SNTG1: variants seen among roughly 807,000 people sequenced by gnomAD.
The protein encoded by SNTG1 is gamma-1-syntrophin.
In SNTG1, 39 loss-of-function variants were observed where a neutral mutation model predicts 74.7. The observed-to-expected ratio is 0.52, with a 90% confidence interval of 0.40 to 0.68. SNTG1 has a LOEUF of 0.68. SNTG1 is among the 30% of genes least tolerant of loss of function. The pLI, the probability that SNTG1 is intolerant of heterozygous loss-of-function variation, is 0.00. For missense variants in SNTG1, 685 were observed against 609.5 expected, an observed-to-expected ratio of 1.12 and a Z score of -1.30; for synonymous variants, 254 against 217.1, an observed-to-expected ratio of 1.17 and a Z score of -1.49.
intron 4 of SNTG1, among the ~76,000 whole-genome samples, chr8:50,432,301 T>C (rs2093246694): frequency 6.6e-6 from 1 of 152,172 alleles, no homozygotes; most frequent in African/African-American, 2.4e-5. Context: ...GTTTTTATTC[T>C]TTTGTCAAAT....
At chr8:50,430,455 C>T (rs1291638976) in intron 4 of SNTG1, among the ~76,000 whole-genome samples, 5 of 152,088 alleles carry the variant, frequency 3.3e-5, no homozygotes, top group African/African-American at 1.2e-4. Flanking sequence ...CCTGGATTCC[C>T]TTCATCCACC....
intron 1 of SNTG1, among the ~76,000 whole-genome samples, chr8:49,944,396 A>G (rs1808969277): frequency 6.6e-6 from 1 of 151,922 alleles, no homozygotes; most frequent in African/African-American, 2.4e-5. Context: ...AGATATTTGC[A>G]TAATTTCATA....
chr8:50,480,933 AT>A (rs1226623217), intron 8 of SNTG1, among the ~76,000 whole-genome samples: 2 of 152,230 alleles, frequency 1.3e-5, no homozygotes, highest in Non-Finnish European at 2.9e-5. Flanking sequence ...CACTATTTTT[AT>A]TAAAAACAAG....
intron 1 of SNTG1, among the ~76,000 whole-genome samples, chr8:49,916,064 A>G (rs1806000585): frequency 6.6e-6 from 1 of 152,208 alleles, no homozygotes; most frequent in South Asian, 2.1e-4. Context: ...CTTAGGAAAT[A>G]TAAGTCAATG....
At chr8:50,772,031 G>T (rs1259323953) in intron 18 of SNTG1, among the ~76,000 whole-genome samples, 1 of 152,126 alleles carries the variant, frequency 6.6e-6, no homozygotes, top group Non-Finnish European at 1.5e-5. Flanking sequence ...AGCCACCACA[G>T]AGAACCTCTC....
At chr8:50,635,807 G>T (rs1042335439) in intron 13 of SNTG1, among the ~76,000 whole-genome samples, 6 of 152,220 alleles carry the variant, frequency 3.9e-5, no homozygotes, top group African/African-American at 1.4e-4. Context: ...TGGTACAAAA[G>T]CTGTAAGACA....
At chr8:50,526,510 A>G (rs1294223260) in intron 9 of SNTG1, among the ~76,000 whole-genome samples, 1 of 151,946 alleles carries the variant, frequency 6.6e-6, no homozygotes, top group African/African-American at 2.4e-5. Flanking sequence ...TTTCTTAACT[A>G]TATATTGTTG....
At chr8:50,008,040 C>T (rs1815411564) in intron 1 of SNTG1, among the ~76,000 whole-genome samples, 1 of 152,036 alleles carries the variant, frequency 6.6e-6, no homozygotes. Flanking sequence ...TCCAATCACC[C>T]CCTCACCGGG....
At position 50,185,831 on chromosome 8, in the gene SNTG1, AT is replaced by A. The variant is rs199674674; in HGVS notation, c.-28+13205del. Among the ~76,000 whole-genome samples, 806 of 150,022 alleles carry A rather than the reference AT, an allele frequency of 5.4e-3. 12 individuals are homozygous for A. Among genetic ancestry groups the A allele is most frequent in the African/African-American group, 0.019 (763 of 40,764 alleles). On this transcript the variant is annotated intron_variant, in intron 2 of 18. Coordinates refer to ENST00000642720, the MANE Select transcript of SNTG1 (RefSeq NM_018967.5). ...AACACTATTGTTTTTTATTTTATTT[AT>A]TTTTTTTTAATTTTACTTTAACTTC...
chr8:50,274,019 T>A (rs1229719769), intron 2 of SNTG1, among the ~76,000 whole-genome samples: 4 of 152,166 alleles, frequency 2.6e-5, no homozygotes, highest in Admixed American at 6.5e-5. Context: ...TGGTTCTATT[T>A]CAAATTTCAA....
At chr8:50,654,276 CTT>C (rs1171602959) in intron 13 of SNTG1, among the ~76,000 whole-genome samples, 1 of 152,020 alleles carries the variant, frequency 6.6e-6, no homozygotes, top group Non-Finnish European at 1.5e-5. Flanking sequence ...TTTTTCCAAA[CTT>C]TTGTCTCTCC....
intron 1 of SNTG1, among the ~76,000 whole-genome samples, chr8:50,035,044 C>T (rs1292952230): frequency 6.6e-6 from 1 of 152,176 alleles, no homozygotes. Context: ...CCACATAGTT[C>T]CCACTAGATG....
chr8:50,205,430 T>C (rs1022590533), intron 2 of SNTG1, among the ~76,000 whole-genome samples: 2 of 152,250 alleles, frequency 1.3e-5, no homozygotes, highest in Non-Finnish European at 2.9e-5. Context: ...TTGATTTTTT[T>C]CTTGTAAATC....
intron 12 of SNTG1, among the ~76,000 whole-genome samples, chr8:50,556,210 G>C (rs1177630692): frequency 6.6e-6 from 1 of 152,134 alleles, no homozygotes; most frequent in Non-Finnish European, 1.5e-5. Context: ...ATGTCTACTA[G>C]AATGAGGGTG....
chr8:50,072,955 A>T (rs1821503953), intron 1 of SNTG1, among the ~76,000 whole-genome samples: 1 of 152,188 alleles, frequency 6.6e-6, no homozygotes, highest in African/African-American at 2.4e-5. Flanking sequence ...GTGAGTTATA[A>T]CATTTATACC....
chr8:50,282,372 G>A (rs527799251), intron 2 of SNTG1, among the ~76,000 whole-genome samples: 14 of 149,944 alleles, frequency 9.3e-5, no homozygotes, highest in Non-Finnish European at 2.1e-4. Context: ...AAATAAACAT[G>A]TCTTTCACTG....
intron 2 of SNTG1, among the ~76,000 whole-genome samples, chr8:50,364,930 C>A (rs2092067297): frequency 6.6e-6 from 1 of 151,904 alleles, no homozygotes; most frequent in African/African-American, 2.4e-5. Context: ...CAGAAAAAAT[C>A]ATTTAAGGCT....
At chr8:50,085,050 G>T (rs1161694349) in intron 1 of SNTG1, among the ~76,000 whole-genome samples, 2 of 152,198 alleles carry the variant, frequency 1.3e-5, no homozygotes, top group African/African-American at 4.8e-5. Context: ...TAGTTTAAGT[G>T]CACTCTTAAG....
At chr8:50,159,937 C>T (rs2082364746) in intron 1 of SNTG1, among the ~76,000 whole-genome samples, 1 of 152,138 alleles carries the variant, frequency 6.6e-6, no homozygotes, top group African/African-American at 2.4e-5. Flanking sequence ...CCTGCAGCTC[C>T]CTCTCCTACT....
Sources: gnomAD v4.1 joint callset for allele counts (sites outside exome capture counted in the v4.1 genomes callset) on GRCh38, gnomAD v4.1.1 for gene constraint, MANE v1.5 for transcripts, NCBI Gene and HGNC (gene_info 2026-07-23, HGNC 2026-07-21) for gene names.